Variants in DMD observed in about 807,000 individuals in gnomAD.
The protein encoded by DMD is mutant dystrophin.
DMD carries 63 observed loss-of-function variants against 330.1 expected under a neutral mutation model. The observed-to-expected ratio is 0.19, with a 90% confidence interval of 0.16 to 0.24. DMD has a LOEUF of 0.24. Ranked by LOEUF, DMD falls within the 10% of genes least tolerant of loss-of-function variation. The pLI, the probability that DMD is intolerant of heterozygous loss-of-function variation, is 1.00. For synonymous variants in DMD, 1,223 were observed against 959.8 expected (o/e 1.27, Z -5.07); for missense variants, 3,344 against 2,684.1 (o/e 1.25, Z -5.43).
At chrX:32,412,412 A>T (rs1325042547) in intron 29 of DMD, among the ~76,000 whole-genome samples, 1 of 112,119 alleles carries the variant, frequency 8.9e-6, no homozygotes, top group African/African-American at 3.2e-5. Context: ...CTGGTTAAAG[A>T]TTTATTTTGA....
At chrX:31,405,553 G>C (rs1286202222) in intron 60 of DMD, among the ~76,000 whole-genome samples, 3 of 109,865 alleles carry the variant, frequency 2.7e-5, no homozygotes, top group Non-Finnish European at 5.7e-5. Flanking sequence ...ATCTATAATT[G>C]ACAAAAAAAA....
chrX:31,402,402 C>T (rs2061230311), intron 60 of DMD, among the ~76,000 whole-genome samples: 1 of 111,552 alleles, frequency 9.0e-6, no homozygotes, highest in Admixed American at 9.5e-5. Flanking sequence ...ACGGATGGGC[C>T]GATAAAGCTT....
chrX:31,969,587 A>G (rs939810325), intron 44 of DMD, among the ~76,000 whole-genome samples: 5 of 111,420 alleles, frequency 4.5e-5, no homozygotes, highest in African/African-American at 6.5e-5. Flanking sequence ...AGCTGACAGT[A>G]GACCCCAGTA....
At chrX:32,949,346 A>AGG (rs1315287429) in intron 2 of DMD, among the ~76,000 whole-genome samples, 6,772 of 40,223 alleles carry the variant, frequency 0.17, 316 homozygotes, top group Non-Finnish European at 0.19. Flanking sequence ...AGGTAGGTAG[A>AGG]TAGATAGATA....
chrX:32,576,842 C>T (rs1489193566), intron 13 of DMD, among the ~76,000 whole-genome samples: 2 of 110,307 alleles, frequency 1.8e-5, no homozygotes, highest in African/African-American at 6.6e-5. Flanking sequence ...TCTTTATATC[C>T]AAATAATGGA....
intron 7 of DMD, among the ~76,000 whole-genome samples, chrX:32,757,437 G>T (rs374388995): frequency 2.7e-5 from 3 of 110,861 alleles, no homozygotes; most frequent in South Asian, 7.6e-4. Context: ...TTTTTCTTTC[G>T]ATTCTGATAT....
At chrX:31,321,145 T>C (rs1251779925) in intron 62 of DMD, among the ~76,000 whole-genome samples, 1 of 112,127 alleles carries the variant, frequency 8.9e-6, no homozygotes, top group African/African-American at 3.2e-5. Context: ...TAATGAATTT[T>C]AAAAATAAAG....
At chrX:31,877,896 C>T (rs1398076245) in intron 47 of DMD, among the ~76,000 whole-genome samples, 1 of 111,979 alleles carries the variant, frequency 8.9e-6, no homozygotes, top group East Asian at 2.8e-4. Context: ...CTAACAACAT[C>T]TAAATGCCTC....
At chrX:32,925,151 T>TTTG (rs2088863507) in intron 2 of DMD, among the ~76,000 whole-genome samples, 1 of 85,573 alleles carries the variant, frequency 1.2e-5, no homozygotes, top group Non-Finnish European at 2.2e-5. Flanking sequence ...CTGGGTTTTT[T>TTTG]TTTTTTTTTT....
At chrX:32,820,639 G>A (rs1178970393) in intron 5 of DMD, among the ~76,000 whole-genome samples, 1 of 111,084 alleles carries the variant, frequency 9.0e-6, no homozygotes, top group Non-Finnish European at 1.9e-5. Context: ...GCCTTTTGGA[G>A]CTCTGTGCAT....
intron 2 of DMD, among the ~76,000 whole-genome samples, chrX:32,955,570 T>G (rs987319598): frequency 1.8e-5 from 2 of 112,297 alleles, no homozygotes; most frequent in East Asian, 5.6e-4. Flanking sequence ...TTTTTGCTTT[T>G]GTTGCAATTG....
intron 6 of DMD, among the ~76,000 whole-genome samples, chrX:32,814,263 C>G (rs763693469): frequency 8.9e-6 from 1 of 112,444 alleles, no homozygotes; most frequent in South Asian, 3.7e-4. Context: ...AAGCAATTAT[C>G]ATTGGGTTTT....
chrX:32,411,282 C>A (rs1487961787), intron 30 of DMD, among the ~76,000 whole-genome samples: 1 of 110,800 alleles, frequency 9.0e-6, no homozygotes. Flanking sequence ...AGGCGCGTGC[C>A]AACAAACCTG....
Position 31,756,497 on chromosome X carries a change from C to G in DMD, c.7542+17463G>C, listed in dbSNP as rs767453726. ...ACACACACACACACACACGCGCATG[C>G]ACGCGCACATATGGTTTGTTGCCAA... On this transcript the variant is annotated intron_variant, in intron 51 of 78. Coordinates refer to ENST00000357033, the MANE Select transcript of DMD (RefSeq NM_004006.3). 5.3e-5 allele frequency among the ~76,000 whole-genome samples: 6 copies of G among 112,774 alleles called. No individual in the cohort carries two copies. In the South Asian group the frequency reaches 2.2e-3, roughly 41 times the overall value.
At chrX:32,253,198 A>G (rs181430710) in intron 43 of DMD, among the ~76,000 whole-genome samples, 79 of 108,765 alleles carry the variant, frequency 7.3e-4, no homozygotes, top group Middle Eastern at 4.7e-3. Context: ...AGATAAGAAG[A>G]TAAGTATTTA....
chrX:31,350,453 G>A (rs1226040798), intron 60 of DMD, among the ~76,000 whole-genome samples: 2 of 112,172 alleles, frequency 1.8e-5, no homozygotes, highest in African/African-American at 6.5e-5. Flanking sequence ...CTTCTTGATA[G>A]CAGGGACCAT....
chrX:33,018,357 T>C (rs930408554), intron 2 of DMD, among the ~76,000 whole-genome samples: 9 of 111,709 alleles, frequency 8.1e-5, no homozygotes, highest in African/African-American at 2.9e-4. Context: ...TGTGCTCATA[T>C]ATGTGAATAT....
intron 62 of DMD, among the ~76,000 whole-genome samples, chrX:31,262,773 C>G (rs1167581995): frequency 1.8e-5 from 2 of 112,511 alleles, no homozygotes; most frequent in Non-Finnish European, 3.8e-5. Context: ...GGTTTATGAT[C>G]TGGAGAAGGG....
intron 37 of DMD, among the ~76,000 whole-genome samples, chrX:32,358,991 G>T (rs1174934904): frequency 9.0e-6 from 1 of 111,598 alleles, no homozygotes; most frequent in Non-Finnish European, 1.9e-5. Flanking sequence ...TTATTTTGTA[G>T]CTAGAAATGA....
Sources: allele counts gnomAD v4.1 joint callset (sites outside exome capture counted in the v4.1 genomes callset), GRCh38; gene constraint gnomAD v4.1.1; transcripts MANE v1.5; gene names NCBI Gene and HGNC (gene_info 2026-07-23, HGNC 2026-07-21).